The following SLC5A12 variants were observed in gnomAD, a reference collection of about 807,000 sequenced individuals.
SLC5A12 encodes the protein sodium-coupled monocarboxylate transporter 2.
Under a neutral mutation model 72.7 loss-of-function variants are expected in SLC5A12, and 46 were observed. The ratio of observed to expected loss-of-function variants is 0.63; its 90% CI spans 0.50 to 0.81. SLC5A12 has a LOEUF of 0.81. Ranked by LOEUF, SLC5A12 falls within the 30% of genes least tolerant of loss-of-function variation. The pLI is 0.00. For missense variants in SLC5A12, 683 were observed against 740.7 expected, an observed-to-expected ratio of 0.92 and a Z score of 0.90; for synonymous variants, 275 against 264.4, an observed-to-expected ratio of 1.04 and a Z score of -0.39.
At chr11:26,709,883 C>CT (rs144245431) in intron 3 of SLC5A12, among the ~76,000 whole-genome samples, 15,175 of 152,014 alleles carry the variant, frequency 0.1, 1,339 homozygotes, top group African/African-American at 0.23. Context: ...AGATCTTTGA[C>CT]TTTTTTTCTA....
intron 4 of SLC5A12, among the ~76,000 whole-genome samples, chr11:26,707,678 T>C (rs755243363): frequency 6.6e-6 from 1 of 152,082 alleles, no homozygotes; most frequent in African/African-American, 2.4e-5. Context: ...CAGTTGTTTA[T>C]GCATATCTAT....
rs529269593 is a variant in SLC5A12 at position 26,669,799 on chromosome 11, C to A, written c.*1303G>T. 1.3e-5 allele frequency: 2 copies of A among 152,064 alleles called. No homozygotes were observed. Among genetic ancestry groups the A allele is most frequent in the East Asian group, 1.9e-4 (1 of 5,196 alleles). The allele number at this position is 152,064 out of a possible 1,614,324, so 9.4% of individuals were successfully genotyped here. ...TTATCCTTGCCTATTTGGACCATTT[C>A]TTCTTACTTTGCTAACACACTGTTT... On this transcript the variant is annotated 3_prime_UTR_variant, in exon 15 of 15. Coordinates refer to ENST00000396005, the MANE Select transcript of SLC5A12 (RefSeq NM_178498.4).
intron 8 of SLC5A12, among the ~76,000 whole-genome samples, chr11:26,694,046 C>A (rs189228441): frequency 6.6e-6 from 1 of 151,978 alleles, no homozygotes; most frequent in Non-Finnish European, 1.5e-5. Flanking sequence ...ATCCTTTGGG[C>A]GGGAGGGAGC....
intron 4 of SLC5A12, 105 bp from the exon 5 acceptor site, chr11:26,704,052 G>C (rs574692149): frequency 4.1e-6 from 5 of 1,231,896 alleles, no homozygotes; most frequent in Non-Finnish European, 5.8e-6. Context: ...TGTTTATTCA[G>C]CATCAGCCAC....
intron 11 of SLC5A12, among the ~76,000 whole-genome samples, chr11:26,683,034 AGT>A (rs1854445998): frequency 6.6e-6 from 1 of 152,194 alleles, no homozygotes; most frequent in African/African-American, 2.4e-5. Flanking sequence ...TACATTAATA[AGT>A]GTAAAGTCAA....
At chr11:26,717,134 C>T (rs1855368655) in intron 1 of SLC5A12, among the ~76,000 whole-genome samples, 1 of 151,956 alleles carries the variant, frequency 6.6e-6, no homozygotes, top group Non-Finnish European at 1.5e-5. Context: ...ACTAACAATA[C>T]CACCACTGTT....
At chr11:26,716,609 C>G (rs1409787305) in intron 1 of SLC5A12, among the ~76,000 whole-genome samples, 1 of 152,162 alleles carries the variant, frequency 6.6e-6, no homozygotes, top group Non-Finnish European at 1.5e-5. Flanking sequence ...CAGCCATACT[C>G]TTTTCCATCT....
In SLC5A12 at chr11:26,721,623, T is replaced by C; in HGVS notation, c.92A>G (p.Lys31Arg). ...TCGGGAAGTTGCCTTTTTTCTCTCC[T>C]TAATGGCAAAGAACACCCCAATTCC... ...SSGIGVFFAI[K>R]ERKKATSREF... The change falls in exon 1 of 15, where the codon AAG (lysine) becomes AGG (arginine). Residue 31 changes from lysine to arginine, a missense_variant. Physicochemically the swap from Lys to Arg is conservative, Grantham distance 26 (BLOSUM62 2). Transcript: ENST00000396005. The C allele has an allele frequency of 6.2e-7, 1 of 1,614,148 alleles. No individual in the cohort carries two copies. Among genetic ancestry groups the C allele is most frequent in the Non-Finnish European group, 8.5e-7 (1 of 1,180,020 alleles).
chr11:26,684,203 T>C (rs1006885141), intron 10 of SLC5A12, among the ~76,000 whole-genome samples: 2 of 152,128 alleles, frequency 1.3e-5, no homozygotes, highest in Admixed American at 6.6e-5. Flanking sequence ...CAAGTTCTTT[T>C]TTCCAGAAAG....
intron 9 of SLC5A12, among the ~76,000 whole-genome samples, chr11:26,691,148 T>G (rs1429549076): frequency 6.6e-6 from 1 of 151,944 alleles, no homozygotes; most frequent in East Asian, 1.9e-4. Context: ...CAAAAATAAT[T>G]TTTTACAAAA....
rs1045075941 is a variant in SLC5A12, at chr11:26,703,880, G to C, written c.593C>G (p.Thr198Arg). The C allele has an allele frequency of 6.2e-7, 1 of 1,613,764 alleles. No individual in the cohort carries two copies. The highest frequency in any genetic ancestry group is 1.3e-5 in the African/African-American group (1 of 74,886). The change falls in exon 5 of 15, where the codon ACG becomes AGG. Residue 198 changes from threonine (T) to arginine (R), a missense_variant. Thr to Arg is a moderately conservative substitution (Grantham distance 71). Coordinates refer to ENST00000396005, the MANE Select transcript of SLC5A12 (RefSeq NM_178498.4). Reference sequence around the variant, plus strand: ...ATGAGTTGATCCTTGAATGAGAACCGTTAAGAAGCCCACAATCATGACAAC... The same window carrying C: ...ATGAGTTGATCCTTGAATGAGAACCCTTAAGAAGCCCACAATCATGACAAC... The part of the protein sequence containing the change: ...QMVVMIVGFL[T>R]VLIQGSTHAG...
At chr11:26,709,431 G>A (rs1306124007) in intron 3 of SLC5A12, 52 bp from the exon 4 acceptor site, 15 of 1,396,678 alleles carry the variant, frequency 1.1e-5, no homozygotes, top group South Asian at 8.8e-5. Flanking sequence ...AAAATTAAAA[G>A]AGCAAGTTTT....
intron 1 of SLC5A12, among the ~76,000 whole-genome samples, chr11:26,717,897 C>T (rs976634660): frequency 2.0e-5 from 3 of 152,100 alleles, no homozygotes; most frequent in Non-Finnish European, 4.4e-5. Flanking sequence ...GCTATGCCAC[C>T]TTCCTTACAT....
Position 26,709,159 on chromosome 11 carries a change from C to G in SLC5A12, c.525+153G>C, listed in dbSNP as rs934435528. ...TGAAAAGAATGTTAAACAACAGCAC[C>G]TTCCTCAGGAAACTGTGACAGATAA... On this transcript the variant is annotated intron_variant, in intron 4 of 14. Transcript: ENST00000396005. 5.9e-6 allele frequency: 3 copies of G among 512,786 alleles called. No homozygotes were observed. The South Asian group carries it at 1.3e-4, about 22-fold the overall frequency. The allele number at this position is 512,786 out of a possible 1,614,324, so 31.8% of individuals were successfully genotyped here.
intron 12 of SLC5A12, among the ~76,000 whole-genome samples, chr11:26,680,010 T>C (rs1470785845): frequency 6.6e-6 from 1 of 151,828 alleles, no homozygotes; most frequent in Non-Finnish European, 1.5e-5. Flanking sequence ...AGCCTCAAGA[T>C]TGACAAGGAC....
At chr11:26,701,198 A>G (rs1292836378) in intron 6 of SLC5A12, among the ~76,000 whole-genome samples, 2 of 152,200 alleles carry the variant, frequency 1.3e-5, no homozygotes, top group Admixed American at 6.5e-5. Context: ...GTGCACTGCA[A>G]CTATACCAAA....
rs1854052079 is a variant in SLC5A12 at position 26,668,533 on chromosome 11, A to G, written c.*2569T>C. The G allele has an allele frequency of 1.3e-5, 2 of 152,124 alleles. No individual in the cohort carries two copies. Among genetic ancestry groups the G allele is most frequent in the Non-Finnish European group, 2.9e-5 (2 of 68,046 alleles). 9.4% of individuals were successfully genotyped at this position (152,124 alleles called of 1,614,324 possible). On this transcript the variant is annotated 3_prime_UTR_variant, in exon 15 of 15. Transcript: ENST00000396005. ...CTGCTAATCCTAGTGAGGGCCTGAAAGGAGTGCTGGGACTCACTAGCTGAA... is the reference window on the plus strand; with the variant it reads ...CTGCTAATCCTAGTGAGGGCCTGAAGGGAGTGCTGGGACTCACTAGCTGAA...
In SLC5A12 at chr11:26,710,782, A is replaced by G. The variant is rs187392891; in HGVS notation, c.457+525T>C. 4.6e-5 allele frequency among the ~76,000 whole-genome samples: 7 copies of G among 152,242 alleles called. No individual in the cohort carries two copies. In the East Asian group the frequency reaches 1.2e-3, roughly 25 times the overall value. On this transcript the variant is annotated intron_variant, in intron 3 of 14. Coordinates refer to ENST00000396005, the MANE Select transcript of SLC5A12 (RefSeq NM_178498.4). ...GGTTAATATTTCTCAGTATAAGCAC[A>G]TAGCTGAATTAAATGCAATATTGAG...
chr11:26,679,256 C>G (rs1590708870), intron 12 of SLC5A12, among the ~76,000 whole-genome samples: 1 of 151,924 alleles, frequency 6.6e-6, no homozygotes, highest in African/African-American at 2.4e-5. Context: ...ACTATGGCAG[C>G]CTTCAGAGTA....
Sources: allele counts gnomAD v4.1 joint callset (sites outside exome capture counted in the v4.1 genomes callset), GRCh38; gene constraint gnomAD v4.1.1; transcripts MANE v1.5; gene names NCBI Gene and HGNC (gene_info 2026-07-23, HGNC 2026-07-21).